VCL: variants seen among roughly 807,000 people sequenced by gnomAD.
VCL encodes epididymis luminal protein 114.
VCL carries 47 observed loss-of-function variants against 125.7 expected under a neutral mutation model. The ratio of observed to expected loss-of-function variants is 0.37; its 90% CI spans 0.30 to 0.48. The LOEUF (loss-of-function observed/expected upper bound fraction) is 0.48. Ranked by LOEUF, VCL falls within the 20% of genes least tolerant of loss-of-function variation. The pLI is 0.99. For synonymous variants in VCL, 458 were observed against 514.6 expected (o/e 0.89, Z 1.49); for missense variants, 1,069 against 1,455.5 (o/e 0.73, Z 4.32).
chr10:74,054,651 T>C (rs1201758774), intron 2 of VCL, among the ~76,000 whole-genome samples: 1 of 152,232 alleles, frequency 6.6e-6, no homozygotes, highest in Non-Finnish European at 1.5e-5. Flanking sequence ...CTGGGCGTGG[T>C]GGCTCACGCC....
intron 1 of VCL, among the ~76,000 whole-genome samples, chr10:74,042,415 T>C (rs1264735610): frequency 1.3e-5 from 2 of 152,240 alleles, no homozygotes; most frequent in Non-Finnish European, 2.9e-5. Context: ...GGTATGACTT[T>C]TTTTATGTCC....
chr10:74,115,705 G>A (rs1246783810), intron 21 of VCL, among the ~76,000 whole-genome samples: 1 of 152,224 alleles, frequency 6.6e-6, no homozygotes, highest in Non-Finnish European at 1.5e-5. Flanking sequence ...TCCGGGGCAT[G>A]AGGTAGTTAG....
chr10:74,061,654 A>G (rs1841481265), intron 2 of VCL, among the ~76,000 whole-genome samples: 1 of 152,164 alleles, frequency 6.6e-6, no homozygotes, highest in South Asian at 2.1e-4. Context: ...TTAATTACAC[A>G]TATATTAGGT....
chr10:74,043,143 G>A lies in VCL; in HGVS notation c.229G>A (p.Ala77Thr). 1.2e-6 allele frequency: 2 copies of A among 1,613,034 alleles called. No individual in the cohort carries two copies. The highest frequency in any genetic ancestry group is 1.7e-6 in the Non-Finnish European group (2 of 1,179,352). ...DQILKRDMPP[A>T]FIKVENACTK... ...GATTTTGAAGAGAGATATGCCACCA[G>A]CATTTATTAAGTGAGTAATTGAAAT... is the stretch of plus-strand genomic sequence containing the variant. The change falls in exon 2 of 22, where the codon GCA becomes ACA. Residue 77 changes from alanine to threonine, a missense_variant. Ala to Thr is a moderately conservative substitution (Grantham distance 58). Transcript: ENST00000211998.
At position 74,060,347 on chromosome 10, in the gene VCL, A is replaced by G. The variant is rs557438997; in HGVS notation, c.240-10323A>G. 3.9e-5 allele frequency among the ~76,000 whole-genome samples: 6 copies of G among 152,020 alleles called. No individual in the cohort carries two copies. In the East Asian group the frequency reaches 9.7e-4, roughly 25 times the overall value. ...CTCACTTTTTCTGGATATAGTCTAA[A>G]AGAACCCTTAAAAAGGACTTGCAGG... On this transcript the variant is annotated intron_variant, in intron 2 of 21. Transcript: ENST00000211998.
At chr10:74,065,009 A>G (rs1411947596) in intron 2 of VCL, among the ~76,000 whole-genome samples, 1 of 152,212 alleles carries the variant, frequency 6.6e-6, no homozygotes, top group Non-Finnish European at 1.5e-5. Context: ...AATGAATGAC[A>G]AAAACACTAC....
At chr10:74,088,572 A>G (rs886114349) in intron 8 of VCL, among the ~76,000 whole-genome samples, 1 of 152,158 alleles carries the variant, frequency 6.6e-6, no homozygotes, top group African/African-American at 2.4e-5. Context: ...GCTTGAAGCC[A>G]CTCCATAAGA....
chr10:74,075,457 T>G (rs4745734), intron 6 of VCL: 9,546 of 154,862 alleles, frequency 0.062, 1,022 homozygotes, highest in African/African-American at 0.22. Context: ...TTCACCCTTT[T>G]TCTGGAATCT....
At chr10:74,085,553 CTAAA>C (rs1172948462) in intron 8 of VCL, among the ~76,000 whole-genome samples, 11 of 152,060 alleles carry the variant, frequency 7.2e-5, no homozygotes, top group Non-Finnish European at 1.2e-4. Flanking sequence ...TCCCCATAAA[CTAAA>C]TAAACATAGT....
At chr10:74,064,826 G>C (rs1246313652) in intron 2 of VCL, among the ~76,000 whole-genome samples, 1 of 152,088 alleles carries the variant, frequency 6.6e-6, no homozygotes, top group African/African-American at 2.4e-5. Context: ...CATATGTTAA[G>C]CCATGAAGCT....
chr10:74,058,890 G>GGTGTGTGT (rs148608729), intron 2 of VCL, among the ~76,000 whole-genome samples: 5 of 150,838 alleles, frequency 3.3e-5, no homozygotes, highest in Admixed American at 6.6e-5. Flanking sequence ...TCACAGAAAG[G>GGTGTGTGT]GTGTGTGTGT....
At chr10:74,019,985 C>A (rs1467399295) in intron 1 of VCL, among the ~76,000 whole-genome samples, 2 of 151,930 alleles carry the variant, frequency 1.3e-5, no homozygotes, top group Non-Finnish European at 2.9e-5. Context: ...ATTGCTTGAA[C>A]CCAGGACTTG....
chr10:74,110,958 C>T (rs1316518708), intron 18 of VCL, among the ~76,000 whole-genome samples: 1 of 152,172 alleles, frequency 6.6e-6, no homozygotes, highest in Non-Finnish European at 1.5e-5. Context: ...TTCTTCTGAG[C>T]TTCTGTGAGC....
At chr10:74,100,533 T>C (rs1178397238) in intron 13 of VCL, among the ~76,000 whole-genome samples, 1 of 152,234 alleles carries the variant, frequency 6.6e-6, no homozygotes, top group East Asian at 1.9e-4. Flanking sequence ...GGGCTTTTAA[T>C]GTACCCAGCT....
intron 2 of VCL, among the ~76,000 whole-genome samples, chr10:74,056,430 G>A (rs978726705): frequency 1.5e-4 from 23 of 151,970 alleles, no homozygotes. Flanking sequence ...GCAGTGTCCT[G>A]TACTATCACT....
At chr10:74,049,720 A>T (rs1251323797) in intron 2 of VCL, among the ~76,000 whole-genome samples, 39 of 152,152 alleles carry the variant, frequency 2.6e-4, no homozygotes, top group Admixed American at 2.6e-3. Flanking sequence ...AGGAATTTAG[A>T]ATTGGGCAGG....
chr10:74,080,302 T>G (rs1183006198), intron 6 of VCL, among the ~76,000 whole-genome samples: 1 of 152,110 alleles, frequency 6.6e-6, no homozygotes, highest in Admixed American at 6.6e-5. Flanking sequence ...GCAACTCTCC[T>G]TGGTAAAAGA....
intron 1 of VCL, among the ~76,000 whole-genome samples, chr10:74,039,036 G>A (rs904102078): frequency 2.0e-5 from 3 of 151,804 alleles, no homozygotes; most frequent in Non-Finnish European, 4.4e-5. Context: ...CTCAGCCTCC[G>A]GAGTAGCTGG....
At chr10:74,099,875 G>T (rs1840023713) in intron 13 of VCL, among the ~76,000 whole-genome samples, 1 of 152,196 alleles carries the variant, frequency 6.6e-6, no homozygotes, top group African/African-American at 2.4e-5. Flanking sequence ...ATCCAAACAA[G>T]AGGCTGGCGT....
Sources: allele counts gnomAD v4.1 joint callset (sites outside exome capture counted in the v4.1 genomes callset), GRCh38; gene constraint gnomAD v4.1.1; transcripts MANE v1.5; gene names NCBI Gene and HGNC (gene_info 2026-07-23, HGNC 2026-07-21).